DGKB: variants seen among roughly 807,000 people sequenced by gnomAD.
DGKB encodes 90 kDa diacylglycerol kinase.
DGKB carries 67 observed loss-of-function variants against 114.3 expected under a neutral mutation model. The observed-to-expected ratio is 0.59, with a 90% CI of 0.48 to 0.72. The LOEUF is 0.72. DGKB is among the 30% of genes least tolerant of loss of function. The pLI is 0.00. For synonymous variants in DGKB, 398 were observed against 323.1 expected, an observed-to-expected ratio of 1.23 and a Z score of -2.49; for missense variants, 907 against 975.2, an observed-to-expected ratio of 0.93 and a Z score of 0.93.
intron 20 of DGKB, among the ~76,000 whole-genome samples, chr7:14,487,014 A>T (rs899682840): frequency 9.2e-5 from 14 of 152,218 alleles, no homozygotes; most frequent in African/African-American, 3.4e-4. Flanking sequence ...GATACGTAGC[A>T]TCACCTTTAA....
At chr7:14,546,596 T>C (rs1187348167) in intron 20 of DGKB, among the ~76,000 whole-genome samples, 1 of 152,126 alleles carries the variant, frequency 6.6e-6, no homozygotes, top group Non-Finnish European at 1.5e-5. Flanking sequence ...ATTGTGTCTT[T>C]CCACTACGGA....
intron 23 of DGKB, among the ~76,000 whole-genome samples, chr7:14,264,187 TTA>T (rs1284385822): frequency 2.6e-5 from 4 of 152,212 alleles, no homozygotes; most frequent in African/African-American, 4.8e-5. Flanking sequence ...GGATTGACTG[TTA>T]TATGTTCTGT....
At chr7:14,357,817 G>T (rs1055666963) in intron 21 of DGKB, among the ~76,000 whole-genome samples, 2 of 152,166 alleles carry the variant, frequency 1.3e-5, no homozygotes, top group Non-Finnish European at 2.9e-5. Flanking sequence ...CTCAGCATTT[G>T]CTTGTGTGTA....
At chr7:14,936,671 G>A (rs1024202496) in intron 1 of DGKB, among the ~76,000 whole-genome samples, 3 of 152,142 alleles carry the variant, frequency 2.0e-5, no homozygotes, top group Non-Finnish European at 4.4e-5. Context: ...TTGCGGGCTC[G>A]GCATCCTCCA....
At chr7:14,783,864 A>T (rs1839476175) in intron 2 of DGKB, among the ~76,000 whole-genome samples, 1 of 152,214 alleles carries the variant, frequency 6.6e-6, no homozygotes, top group Non-Finnish European at 1.5e-5. Flanking sequence ...CATAGTAAGT[A>T]ATTACTTTTA....
At chr7:14,399,841 A>G (rs189265738) in intron 21 of DGKB, among the ~76,000 whole-genome samples, 109 of 151,972 alleles carry the variant, frequency 7.2e-4, no homozygotes, top group African/African-American at 2.5e-3. Context: ...TTTGAATCTA[A>G]CAAAATGACA....
Position 14,631,028 on chromosome 7 carries a change from T to C in DGKB, c.1135-760A>G, listed in dbSNP as rs576493009. 3.3e-3 allele frequency among the ~76,000 whole-genome samples: 505 copies of C among 151,352 alleles called. 7 individuals are homozygous for C. The South Asian group carries it at 0.034, about 10-fold the overall frequency. ...GACAAATCACACACACAATACTAGA[T>C]AAAGTTTCCCCATGCTGGAACGGGA... On this transcript the variant is annotated intron_variant, in intron 13 of 25. Transcript: ENST00000402815.
intron 2 of DGKB, among the ~76,000 whole-genome samples, chr7:14,772,828 G>C (rs1837614836): frequency 6.6e-6 from 1 of 152,110 alleles, no homozygotes; most frequent in Admixed American, 6.6e-5. Context: ...CTTGGACATA[G>C]CCAGACCTCA....
intron 21 of DGKB, among the ~76,000 whole-genome samples, chr7:14,459,826 A>T (rs1832808088): frequency 6.6e-6 from 1 of 152,156 alleles, no homozygotes; most frequent in Non-Finnish European, 1.5e-5. Context: ...TGAAGGAAAA[A>T]ATGTTAAGGG....
At position 14,837,646 on chromosome 7, in the gene DGKB, A is replaced by G. The variant is rs562512996; in HGVS notation, c.70+3548T>C. 2.0e-5 allele frequency among the ~76,000 whole-genome samples: 3 copies of G among 152,322 alleles called. No individual in the cohort carries two copies. In the South Asian group the frequency reaches 6.2e-4, roughly 32 times the overall value. ...GTGAATGCATTGTATCATTTTTCTA[A>G]TAGAGTATGGAGGAATGTCACTTAC... is the stretch of plus-strand genomic sequence containing the variant. On this transcript the variant is annotated intron_variant, in intron 2 of 25. Transcript: ENST00000402815.
chr7:14,669,766 T>A (rs552508648), intron 13 of DGKB, among the ~76,000 whole-genome samples: 99 of 152,290 alleles, frequency 6.5e-4, no homozygotes, highest in South Asian at 1.0e-3. Flanking sequence ...CAAACTTTAG[T>A]ACAAACAACT....
intron 17 of DGKB, among the ~76,000 whole-genome samples, chr7:14,593,613 C>T (rs2128749455): frequency 6.6e-6 from 1 of 151,682 alleles, no homozygotes; most frequent in East Asian, 1.9e-4. Flanking sequence ...TTTTCTATTG[C>T]ATGGAAAATT....
At chr7:14,880,020 T>C (rs1265136673) in intron 1 of DGKB, among the ~76,000 whole-genome samples, 1 of 152,180 alleles carries the variant, frequency 6.6e-6, no homozygotes, top group Admixed American at 6.5e-5. Flanking sequence ...CTAAGAATCC[T>C]TATGAGAATT....
Position 14,567,605 on chromosome 7 carries a change from A to T in DGKB, c.1770+6607T>A, listed in dbSNP as rs1044692347. Among the ~76,000 whole-genome samples, 4 of 119,550 alleles carry T rather than the reference A, an allele frequency of 3.3e-5. 1 individual carries two copies. Among genetic ancestry groups the T allele is most frequent in the East Asian group, 4.5e-4 (2 of 4,494 alleles). The allele number at this position is 119,550 out of a possible 152,430, so 78.4% of individuals were successfully genotyped here. The stretch of plus-strand genomic sequence containing the variant: ...CAATTATAAATAAAGATATATATAT[A>T]TATATATATCTTTTTTATTGAGATG... On this transcript the variant is annotated intron_variant, in intron 20 of 25. Coordinates refer to ENST00000402815, the MANE Select transcript of DGKB (RefSeq NM_001350709.2).
At chr7:14,643,897 A>T (rs1355985926) in intron 13 of DGKB, among the ~76,000 whole-genome samples, 1 of 152,152 alleles carries the variant, frequency 6.6e-6, no homozygotes, top group East Asian at 1.9e-4. Flanking sequence ...GACCTCTCCA[A>T]TAGTGGGGCT....
chr7:14,607,839 G>T (rs1563663109), intron 16 of DGKB, among the ~76,000 whole-genome samples: 1 of 126,608 alleles, frequency 7.9e-6, no homozygotes, highest in Non-Finnish European at 1.7e-5. Context: ...TCAAATAAAT[G>T]TATTTTTTTA....
chr7:14,268,211 C>CCACA lies in DGKB; in HGVS notation c.2122+70300_2122+70303dup, dbSNP rs10699466. Among the ~76,000 whole-genome samples the CCACA allele has an allele frequency of 2.6e-3, 384 of 150,292 alleles. 2 individuals carry two copies. The highest frequency in any genetic ancestry group is 6.6e-3 in the African/African-American group (272 of 41,070). On this transcript the variant is annotated intron_variant, in intron 23 of 25. Transcript: ENST00000402815. ...ATCACACACACCCATAGTCACTGTA[C>CCACA]CACACACACACACACACACCACACA... is the stretch of plus-strand genomic sequence containing the variant.
chr7:14,720,771 T>A (rs1270445115), intron 5 of DGKB, among the ~76,000 whole-genome samples: 2 of 151,438 alleles, frequency 1.3e-5, no homozygotes, highest in Non-Finnish European at 2.9e-5. Flanking sequence ...TTAATAGAAG[T>A]ATCAGTGTAT....
At chr7:14,872,599 C>T (rs1254319699) in intron 1 of DGKB, among the ~76,000 whole-genome samples, 1 of 152,068 alleles carries the variant, frequency 6.6e-6, no homozygotes, top group Non-Finnish European at 1.5e-5. Context: ...TTATAAAGCA[C>T]AGTGACACCA....
Sources: gnomAD v4.1 joint callset for allele counts (sites outside exome capture counted in the v4.1 genomes callset) on GRCh38, gnomAD v4.1.1 for gene constraint, MANE v1.5 for transcripts, NCBI Gene and HGNC (gene_info 2026-07-23, HGNC 2026-07-21) for gene names.